COL19A1: variants seen among roughly 807,000 people sequenced by gnomAD.
COL19A1 encodes collagen alpha-1(XIX) chain.
COL19A1 carries 159 observed loss-of-function variants against 190.2 expected under a neutral mutation model. That is an observed-to-expected ratio of 0.84 (90% CI 0.73 to 0.95). The LOEUF (loss-of-function observed/expected upper bound fraction) is 0.95, where lower values mean the gene tolerates loss of function less well. Among genes scored for constraint, COL19A1 ranks in the 40% least tolerant of loss-of-function variants. The pLI is 0.00. For missense variants in COL19A1, 1,418 were observed against 1,431.9 expected, an observed-to-expected ratio of 0.99 and a Z score of 0.16; for synonymous variants, 509 against 458.9, an observed-to-expected ratio of 1.11 and a Z score of -1.39.
At chr6:70,116,336 T>TAAA (rs1304489980) in intron 16 of COL19A1, among the ~76,000 whole-genome samples, 1 of 152,196 alleles carries the variant, frequency 6.6e-6, no homozygotes, top group Non-Finnish European at 1.5e-5. Context: ...CTTTTTCTTA[T>TAAA]AAAAGCAATG....
intron 30 of COL19A1, 145 bp from the exon 31 acceptor site, chr6:70,151,252 C>A: frequency 1.5e-6 from 1 of 686,278 alleles, no homozygotes; most frequent in Non-Finnish European, 2.4e-6. Flanking sequence ...TTATACGAAA[C>A]ATAATGTTAA....
intron 4 of COL19A1, among the ~76,000 whole-genome samples, chr6:69,912,222 T>C (rs1038089818): frequency 1.7e-4 from 26 of 152,206 alleles, no homozygotes; most frequent in African/African-American, 6.3e-4. Context: ...TCCTTCTTTT[T>C]TTGGTGGTCC....
At chr6:70,107,197 G>A (rs1273611743) in intron 16 of COL19A1, among the ~76,000 whole-genome samples, 4 of 152,138 alleles carry the variant, frequency 2.6e-5, no homozygotes, top group African/African-American at 9.7e-5. Context: ...TGAAAGACAA[G>A]CTTCTAGTTT....
chr6:70,173,239 G>A (rs140378318), intron 41 of COL19A1, among the ~76,000 whole-genome samples: 150 of 152,310 alleles, frequency 9.8e-4, no homozygotes, highest in Non-Finnish European at 1.7e-3. Context: ...ATAAAAGTAA[G>A]GAATGTGGAA....
intron 11 of COL19A1, among the ~76,000 whole-genome samples, chr6:69,976,460 G>T (rs900048441): frequency 6.6e-6 from 1 of 152,176 alleles, no homozygotes; most frequent in Non-Finnish European, 1.5e-5. Flanking sequence ...TAGGGTAGCA[G>T]ATATGAAAGA....
At position 70,081,728 on chromosome 6, in the gene COL19A1, T is replaced by C. The variant is rs377025592; in HGVS notation, c.1224+13252T>C. ...GACCATGCATGCTGAGGTATGATGGTTATTGAGGAGAAAAATTTTATCAAA... is the reference window on the plus strand; with the variant it reads ...GACCATGCATGCTGAGGTATGATGGCTATTGAGGAGAAAAATTTTATCAAA... On this transcript the variant is annotated intron_variant, in intron 15 of 50. Transcript: ENST00000620364. 4.9e-4 allele frequency among the ~76,000 whole-genome samples: 75 copies of C among 152,258 alleles called. 1 individual carries two copies. The South Asian group carries it at 9.5e-3, about 19-fold the overall frequency.
At chr6:69,965,431 A>G (rs1004054284) in intron 11 of COL19A1, among the ~76,000 whole-genome samples, 2 of 152,156 alleles carry the variant, frequency 1.3e-5, no homozygotes, top group East Asian at 3.9e-4. Context: ...CATTATGGCT[A>G]AAAAAAACTA....
At chr6:69,956,252 C>T (rs1774412701) in intron 9 of COL19A1, among the ~76,000 whole-genome samples, 1 of 151,880 alleles carries the variant, frequency 6.6e-6, no homozygotes, top group African/African-American at 2.4e-5. Context: ...GGATCTAATT[C>T]ATTTAAGATT....
At chr6:70,206,821 C>A in intron 49 of COL19A1, 80 bp from the exon 50 acceptor site, 2 of 1,188,082 alleles carry the variant, frequency 1.7e-6, no homozygotes, top group South Asian at 1.5e-5. Flanking sequence ...TTATCACAGA[C>A]TCAGAAAATG....
At chr6:69,990,664 G>T (rs1776568142) in intron 11 of COL19A1, among the ~76,000 whole-genome samples, 1 of 151,946 alleles carries the variant, frequency 6.6e-6, no homozygotes, top group African/African-American at 2.4e-5. Context: ...TCTCTCCTCT[G>T]TGTTTCCTTT....
chr6:70,024,591 GT>G (rs1778624188), intron 12 of COL19A1, among the ~76,000 whole-genome samples: 1 of 149,154 alleles, frequency 6.7e-6, no homozygotes, highest in South Asian at 2.1e-4. Context: ...TCGTGTGTGT[GT>G]GTGTGTGTGT....
chr6:70,141,993 A>G, intron 21 of COL19A1, 30 bp from the exon 22 acceptor site: 1 of 1,612,232 alleles, frequency 6.2e-7, no homozygotes. Flanking sequence ...TTAAAGAAAC[A>G]TTGATCTTTC....
At position 70,180,356 on chromosome 6, in the gene COL19A1, G is replaced by A. The variant is rs770269256; in HGVS notation, c.2712G>A (p.Pro904=). The A allele has an allele frequency of 3.4e-5, 55 of 1,613,998 alleles. No homozygotes were observed. The highest frequency in any genetic ancestry group is 6.7e-5 in the Admixed American group (4 of 60,002). The part of the protein sequence containing the change: ...APGPPGVPGE[P]GERGPVGDIG... The stretch of plus-strand genomic sequence containing the variant: ...GGCCTCCAGGAGTTCCAGGGGAACC[G>A]GTGAGTTGGCAGTTACTTTCATGAC... Residue 904 remains proline (P), a splice_region_variant and synonymous_variant, in exon 43 of 51, where the codon CCG becomes CCA. Coordinates refer to ENST00000620364, the MANE Select transcript of COL19A1 (RefSeq NM_001858.6).
intron 9 of COL19A1, among the ~76,000 whole-genome samples, chr6:69,951,815 G>A (rs368092530): frequency 6.6e-6 from 1 of 151,496 alleles, no homozygotes; most frequent in African/African-American, 2.4e-5. Flanking sequence ...AGAGAGAGAG[G>A]GAAAAAAAAT....
rs558823211 is a variant in COL19A1 at position 70,121,792 on chromosome 6, G to T, written c.1279-88G>T. On this transcript the variant is annotated intron_variant, in intron 16 of 50. Coordinates refer to ENST00000620364, the MANE Select transcript of COL19A1 (RefSeq NM_001858.6). ...GACAAGTCCTTTTTCTTCACTATAT[G>T]ATTTCAAGAGTTCTTAGATATGTTA... 478 of 836,686 alleles carry T rather than the reference G, an allele frequency of 5.7e-4. 3 individuals are homozygous for T. The highest frequency in any genetic ancestry group is 1.6e-3 in the South Asian group (95 of 59,362). The allele number at this position is 836,686 out of a possible 1,614,324, so 51.8% of individuals were successfully genotyped here.
intron 26 of COL19A1, 38 bp downstream of exon 26, chr6:70,146,741 A>G: frequency 6.3e-7 from 1 of 1,595,624 alleles, no homozygotes; most frequent in South Asian, 1.1e-5. Flanking sequence ...AGGAATGAAT[A>G]ATTAACAAAA....
At chr6:70,029,003 T>C (rs1259596002) in intron 12 of COL19A1, among the ~76,000 whole-genome samples, 1 of 152,184 alleles carries the variant, frequency 6.6e-6, no homozygotes. Flanking sequence ...TCTGAATCTA[T>C]ATTATGGTCT....
At chr6:70,189,151 A>AT (rs1338240807) in intron 47 of COL19A1, among the ~76,000 whole-genome samples, 1 of 151,918 alleles carries the variant, frequency 6.6e-6, no homozygotes, top group East Asian at 1.9e-4. Flanking sequence ...TTTTATTTTT[A>AT]TTTTTTGTCA....
chr6:69,936,786 G>T lies in COL19A1; in HGVS notation c.749G>T (p.Cys250Phe), dbSNP rs752541475. ...CTAAAGCCTCTTTTTGGATTTTAGT[G>T]CCCAGAGCAGGATGGCTTTGGAAAT... ...ETCCEISDTK[C>F]PEQDGFGNIA... Residue 250 changes from cysteine to phenylalanine, a missense_variant and splice_region_variant, in exon 8 of 51, where the codon TGC becomes TTC. Transcript: ENST00000620364. 65 of 1,612,592 alleles carry T rather than the reference G, an allele frequency of 4.0e-5. No homozygotes were observed. Among genetic ancestry groups the T allele is most frequent in the Non-Finnish European group, 5.3e-5 (62 of 1,178,958 alleles).
Sources: gnomAD v4.1 joint callset for allele counts (sites outside exome capture counted in the v4.1 genomes callset) on GRCh38, gnomAD v4.1.1 for gene constraint, MANE v1.5 for transcripts, NCBI Gene and HGNC (gene_info 2026-07-23, HGNC 2026-07-21) for gene names.